Variants in SLC13A1 observed in about 807,000 individuals in gnomAD.
The protein encoded by SLC13A1 is Na(+)/sulfate cotransporter.
In SLC13A1, 65 loss-of-function variants were observed where a neutral mutation model predicts 70.0. The observed-to-expected ratio is 0.93, with a 90% CI of 0.76 to 1.14. The LOEUF (loss-of-function observed/expected upper bound fraction) is 1.14, where lower values mean the gene tolerates loss of function less well. SLC13A1 is among the 50% of genes most tolerant of loss of function. The probability of loss-of-function intolerance (pLI) is 0.00; values close to 1 mark genes in which losing one functional copy is unlikely to be tolerated. For missense variants in SLC13A1, 726 were observed against 717.8 expected, an observed-to-expected ratio of 1.01 and a Z score of -0.13; for synonymous variants, 275 against 250.5, an observed-to-expected ratio of 1.10 and a Z score of -0.92.
At chr7:123,162,930 C>G (rs1055742236) in intron 6 of SLC13A1, among the ~76,000 whole-genome samples, 7 of 152,062 alleles carry the variant, frequency 4.6e-5, no homozygotes, top group African/African-American at 1.7e-4. Flanking sequence ...TTATATTAAA[C>G]TAATGAAAAA....
At chr7:123,158,908 T>C (rs1287600504) in intron 6 of SLC13A1, among the ~76,000 whole-genome samples, 2 of 152,036 alleles carry the variant, frequency 1.3e-5, no homozygotes, top group Non-Finnish European at 2.9e-5. Context: ...CCAAAATCAC[T>C]CTCTGAAATA....
chr7:123,135,605 C>T (rs1224365636), intron 7 of SLC13A1, among the ~76,000 whole-genome samples: 1 of 151,972 alleles, frequency 6.6e-6, no homozygotes, highest in Admixed American at 6.6e-5. Flanking sequence ...ATTTAAAAAT[C>T]ACATAAGTAA....
At chr7:123,157,295 G>A (rs997122556) in intron 6 of SLC13A1, among the ~76,000 whole-genome samples, 2 of 152,026 alleles carry the variant, frequency 1.3e-5, no homozygotes, top group African/African-American at 2.4e-5. Context: ...TTATCGGTAA[G>A]ACTCTGAAAT....
intron 1 of SLC13A1, among the ~76,000 whole-genome samples, chr7:123,189,696 T>C (rs1436775779): frequency 2.6e-5 from 4 of 152,078 alleles, no homozygotes; most frequent in Admixed American, 2.6e-4. Flanking sequence ...TATAATGTTT[T>C]GTAGATTTCT....
Position 123,168,557 on chromosome 7 carries a change from A to G in SLC13A1, c.558T>C (p.Ser186=). 1 of 1,604,904 alleles carries G rather than the reference A, an allele frequency of 6.2e-7. No homozygotes were observed. The highest frequency in any genetic ancestry group is 2.2e-5 in the East Asian group (1 of 44,474). Residue 186 remains serine (S), a synonymous_variant, in exon 5 of 15, where the codon AGT becomes AGC. Coordinates refer to ENST00000194130, the MANE Select transcript of SLC13A1 (RefSeq NM_022444.4). ...STNHGLEIDE[S]VNGHEINERK... ...TCTCATTTATTTCATGTCCATTAAC[A>G]CTTTCTGCAAAACATTAAATAAAAG...
chr7:123,148,873 A>G (rs1375907280), intron 6 of SLC13A1, among the ~76,000 whole-genome samples: 6 of 152,124 alleles, frequency 3.9e-5, no homozygotes, highest in Non-Finnish European at 8.8e-5. Flanking sequence ...TGGAATGTCA[A>G]GAGAAGAACA....
Position 123,190,803 on chromosome 7 carries a change from A to G in SLC13A1, c.99+9045T>C, listed in dbSNP as rs570337674. Reference sequence around the variant, plus strand: ...CTAGGACCACCCAGGAGCCTCAAACATGACACATCTATTGAGGATTTTGTT... The same window carrying G: ...CTAGGACCACCCAGGAGCCTCAAACGTGACACATCTATTGAGGATTTTGTT... On this transcript the variant is annotated intron_variant, in intron 1 of 14. Coordinates refer to ENST00000194130, the MANE Select transcript of SLC13A1 (RefSeq NM_022444.4). 3.3e-5 allele frequency among the ~76,000 whole-genome samples: 5 copies of G among 152,318 alleles called. No homozygotes were observed. In the South Asian group the frequency reaches 8.3e-4, roughly 25 times the overall value.
At chr7:123,198,796 G>A (rs17145547) in intron 1 of SLC13A1, among the ~76,000 whole-genome samples, 1,575 of 152,104 alleles carry the variant, frequency 0.01, 31 homozygotes, top group African/African-American at 0.035. Flanking sequence ...GCATCAGCAG[G>A]GTTCTTGCCC....
rs540804253 is a variant in SLC13A1 at position 123,190,961 on chromosome 7, A to G, written c.99+8887T>C. On this transcript the variant is annotated intron_variant, in intron 1 of 14. Transcript: ENST00000194130. ...GTTTTTTTCCTTTCCTAACTTGTTGATTTCCCTATTATTTTCATTTCTTCT... is the reference window on the plus strand; with the variant it reads ...GTTTTTTTCCTTTCCTAACTTGTTGGTTTCCCTATTATTTTCATTTCTTCT... Among the ~76,000 whole-genome samples the G allele has an allele frequency of 2.6e-5, 4 of 151,196 alleles. No individual in the cohort carries two copies. In the South Asian group the frequency reaches 8.4e-4, roughly 32 times the overall value.
rs1253646149 is a variant in SLC13A1 at position 123,152,600 on chromosome 7, C to G, written c.661-5290G>C. Among the ~76,000 whole-genome samples the G allele has an allele frequency of 2.6e-5, 4 of 152,020 alleles. No homozygotes were observed. The East Asian group carries it at 7.7e-4, about 29-fold the overall frequency. ...AGTTGTGATAAGGAAAAAATTACTA[C>G]TCACTAAAAGTCATCATAGATATGA... On this transcript the variant is annotated intron_variant, in intron 6 of 14. Transcript: ENST00000194130.
intron 1 of SLC13A1, among the ~76,000 whole-genome samples, chr7:123,192,263 C>A (rs895641239): frequency 1.3e-5 from 2 of 152,128 alleles, no homozygotes; most frequent in Non-Finnish European, 2.9e-5. Flanking sequence ...CTTGTCTTAA[C>A]CACCTCAAGT....
At chr7:123,129,083 G>A in intron 9 of SLC13A1, 137 bp from the exon 10 acceptor site, 1 of 711,764 alleles carries the variant, frequency 1.4e-6, no homozygotes, top group African/African-American at 1.8e-5. Context: ...TAATTTGAGA[G>A]CATCAGTGCA....
Position 123,113,863 on chromosome 7 carries a change from C to T in SLC13A1, c.*1655G>A, listed in dbSNP as rs1793084516. 1 of 151,800 alleles carries T rather than the reference C, an allele frequency of 6.6e-6. No homozygotes were observed. Among genetic ancestry groups the T allele is most frequent in the Admixed American group, 6.6e-5 (1 of 15,250 alleles). 9.4% of individuals were successfully genotyped at this position (151,800 alleles called of 1,614,324 possible). ...CGTATGTTAAATATTATTTTAAAAA[C>T]CCTCTTTACTATATTTAGTTTCAAG... On this transcript the variant is annotated 3_prime_UTR_variant, in exon 15 of 15. Transcript: ENST00000194130.
intron 1 of SLC13A1, among the ~76,000 whole-genome samples, chr7:123,196,810 C>G (rs1018311600): frequency 2.0e-5 from 3 of 151,910 alleles, no homozygotes. Context: ...AAATGATGAA[C>G]AAGCCATGAA....
chr7:123,114,138 T>C lies in SLC13A1; in HGVS notation c.*1380A>G, dbSNP rs1793104454. 1 of 151,810 alleles carries C rather than the reference T, an allele frequency of 6.6e-6. No homozygotes were observed. The highest frequency in any genetic ancestry group is 1.5e-5 in the Non-Finnish European group (1 of 67,916). 9.4% of individuals were successfully genotyped at this position (151,810 alleles called of 1,614,324 possible). On this transcript the variant is annotated 3_prime_UTR_variant, in exon 15 of 15. Transcript: ENST00000194130. The stretch of plus-strand genomic sequence containing the variant: ...GGTTTATTTTTTGCTTTGTCTTTTG[T>C]TGTATTTTTAGCATGAGAATTGCTG...
chr7:123,119,116 T>G lies in SLC13A1; in HGVS notation c.1477A>C (p.Thr493Pro). ...AATATTGGGAGAAAGAGTGTAATGG[T>G]AGCTGGATTGCTGGCTACCTCAGTT... ...SLTEVASNPA[T>P]ITLFLPILSP... Residue 493 changes from threonine to proline, a missense_variant, in exon 13 of 15, where the codon ACC becomes CCC. Coordinates refer to ENST00000194130, the MANE Select transcript of SLC13A1 (RefSeq NM_022444.4). The G allele has an allele frequency of 6.2e-7, 1 of 1,612,734 alleles. No homozygotes were observed.
intron 1 of SLC13A1, among the ~76,000 whole-genome samples, chr7:123,189,714 G>T (rs1795935856): frequency 6.6e-6 from 1 of 151,722 alleles, no homozygotes; most frequent in South Asian, 2.1e-4. Flanking sequence ...TCTCCAGAAA[G>T]GTCTATTATA....
At chr7:123,146,470 G>A (rs1048547709) in intron 7 of SLC13A1, among the ~76,000 whole-genome samples, 11 of 152,254 alleles carry the variant, frequency 7.2e-5, no homozygotes, top group South Asian at 2.1e-4. Context: ...AGCTGAGATC[G>A]CACCACTGTC....
At chr7:123,177,335 A>G (rs141522004) in intron 2 of SLC13A1, among the ~76,000 whole-genome samples, 1 of 152,220 alleles carries the variant, frequency 6.6e-6, no homozygotes, top group Non-Finnish European at 1.5e-5. Flanking sequence ...CTGAATTACC[A>G]TGGTCTCTCA....
Sources: allele counts gnomAD v4.1 joint callset (sites outside exome capture counted in the v4.1 genomes callset), GRCh38; gene constraint gnomAD v4.1.1; transcripts MANE v1.5; gene names NCBI Gene and HGNC (gene_info 2026-07-23, HGNC 2026-07-21).